The following LSAMP variants were observed in gnomAD, a reference collection of about 807,000 sequenced individuals.
LSAMP encodes limbic system associated membrane protein, also known as limbic system-associated membrane protein.
LSAMP carries 7 observed loss-of-function variants against 38.6 expected under a neutral mutation model. The ratio of observed to expected loss-of-function variants is 0.18; its 90% CI spans 0.10 to 0.34. The LOEUF (loss-of-function observed/expected upper bound fraction) is 0.34, where lower values mean the gene tolerates loss of function less well. Ranked by LOEUF, LSAMP falls within the 10% of genes least tolerant of loss-of-function variation. LSAMP has a pLI of 1.00. For missense variants in LSAMP, 313 were observed against 420.0 expected, an observed-to-expected ratio of 0.75 and a Z score of 2.23; for synonymous variants, 154 against 166.8, an observed-to-expected ratio of 0.92 and a Z score of 0.59.
intron 3 of LSAMP, among the ~76,000 whole-genome samples, chr3:115,938,921 C>G (rs185941164): frequency 2.3e-3 from 343 of 152,230 alleles, no homozygotes; most frequent in Non-Finnish European, 3.9e-3. Context: ...TCCCTAGCAC[C>G]AGAGAGCAGG....
chr3:116,346,643 A>G (rs575421149), intron 1 of LSAMP, among the ~76,000 whole-genome samples: 3 of 152,180 alleles, frequency 2.0e-5, no homozygotes, highest in African/African-American at 4.8e-5. Context: ...TTTTAGAAGT[A>G]AAACAGTTGC....
intron 3 of LSAMP, among the ~76,000 whole-genome samples, chr3:115,887,354 T>C (rs1936481722): frequency 6.6e-6 from 1 of 151,896 alleles, no homozygotes; most frequent in South Asian, 2.1e-4. Flanking sequence ...AATTTTTATC[T>C]TATAATATGA....
At chr3:116,107,601 T>C (rs1283617681) in intron 1 of LSAMP, among the ~76,000 whole-genome samples, 2 of 152,110 alleles carry the variant, frequency 1.3e-5, no homozygotes, top group Non-Finnish European at 2.9e-5. Flanking sequence ...CATGTGTGTT[T>C]TTAAGAGAAT....
chr3:116,025,828 T>A (rs1940777505), intron 2 of LSAMP, among the ~76,000 whole-genome samples: 1 of 152,208 alleles, frequency 6.6e-6, no homozygotes, highest in Admixed American at 6.5e-5. Context: ...AAAATATTTT[T>A]AAAATATATC....
At chr3:116,192,023 A>G (rs906427429) in intron 1 of LSAMP, among the ~76,000 whole-genome samples, 1 of 92,434 alleles carries the variant, frequency 1.1e-5, no homozygotes, top group Non-Finnish European at 2.3e-5. Flanking sequence ...TTACTGAGGG[A>G]AAAAAAAGAG....
At chr3:116,186,992 G>A (rs1710634272) in intron 1 of LSAMP, among the ~76,000 whole-genome samples, 1 of 152,086 alleles carries the variant, frequency 6.6e-6, no homozygotes, top group African/African-American at 2.4e-5. Flanking sequence ...TGATGTGTAT[G>A]TAGTAATGCT....
chr3:115,901,486 C>A (rs570180224), intron 3 of LSAMP, among the ~76,000 whole-genome samples: 17 of 152,088 alleles, frequency 1.1e-4, no homozygotes, highest in African/African-American at 4.1e-4. Flanking sequence ...GACACACTAG[C>A]ATTTCAAAAG....
intron 1 of LSAMP, among the ~76,000 whole-genome samples, chr3:116,132,172 T>G (rs1416832651): frequency 1.3e-5 from 2 of 151,900 alleles, no homozygotes; most frequent in African/African-American, 4.8e-5. Flanking sequence ...GAACAATTGC[T>G]GCTATACACT....
At chr3:115,895,163 C>A (rs1365223215) in intron 3 of LSAMP, among the ~76,000 whole-genome samples, 4 of 152,066 alleles carry the variant, frequency 2.6e-5, no homozygotes, top group Admixed American at 6.6e-5. Flanking sequence ...CTTTAACTAT[C>A]AGATTGTTCT....
chr3:115,850,044 T>C (rs1047979145), intron 4 of LSAMP, among the ~76,000 whole-genome samples: 2 of 152,244 alleles, frequency 1.3e-5, no homozygotes, highest in African/African-American at 4.8e-5. Flanking sequence ...AAACTCATTA[T>C]AGTTTTCCAT....
At chr3:116,173,835 C>G (rs55944121) in intron 1 of LSAMP, among the ~76,000 whole-genome samples, 7 of 147,092 alleles carry the variant, frequency 4.8e-5, no homozygotes, top group Non-Finnish European at 1.0e-4. Context: ...CTCTTGCCTT[C>G]TTCCTCTTCT....
At chr3:116,203,095 GC>G (rs2046010268) in intron 1 of LSAMP, among the ~76,000 whole-genome samples, 1 of 152,140 alleles carries the variant, frequency 6.6e-6, no homozygotes, top group South Asian at 2.1e-4. Flanking sequence ...TTTATTTCTT[GC>G]TTTCCAATCT....
chr3:116,246,134 C>T (rs1314936404), intron 1 of LSAMP, among the ~76,000 whole-genome samples: 6 of 152,184 alleles, frequency 3.9e-5, no homozygotes, highest in Admixed American at 3.9e-4. Flanking sequence ...AACCTTAATT[C>T]AAGTTTCCCA....
intron 3 of LSAMP, among the ~76,000 whole-genome samples, chr3:115,921,068 C>T (rs944208995): frequency 1.3e-5 from 2 of 152,038 alleles, no homozygotes; most frequent in Non-Finnish European, 2.9e-5. Flanking sequence ...TCCATCCTTT[C>T]ACTTTCAGCC....
chr3:116,146,340 G>A (rs9875743), intron 1 of LSAMP, among the ~76,000 whole-genome samples: 83,366 of 151,664 alleles, frequency 0.55, 23,606 homozygotes, highest in East Asian at 0.76. Context: ...TTTCTATTTC[G>A]TACCTTTGAT....
At chr3:116,149,381 C>G (rs1295675378) in intron 1 of LSAMP, among the ~76,000 whole-genome samples, 3 of 151,906 alleles carry the variant, frequency 2.0e-5, no homozygotes, top group Non-Finnish European at 4.4e-5. Flanking sequence ...AGCATTTGTT[C>G]CTGACCATTA....
chr3:116,282,359 A>C (rs1289937995), intron 1 of LSAMP, among the ~76,000 whole-genome samples: 1 of 152,246 alleles, frequency 6.6e-6, no homozygotes, highest in Admixed American at 6.5e-5. Flanking sequence ...TTTGAAAAAA[A>C]AAATCTGTTC....
chr3:116,082,408 A>C (rs1212328011), intron 2 of LSAMP, among the ~76,000 whole-genome samples: 4 of 152,198 alleles, frequency 2.6e-5, no homozygotes, highest in African/African-American at 9.7e-5. Flanking sequence ...TGCAGAGCAC[A>C]ATGATTCAGA....
intron 3 of LSAMP, among the ~76,000 whole-genome samples, chr3:115,999,123 C>T (rs1002837831): frequency 5.3e-5 from 8 of 152,070 alleles, no homozygotes; most frequent in Admixed American, 2.0e-4. Flanking sequence ...AAAGCGATGC[C>T]AGGATTGGCT....
Sources: gnomAD v4.1 joint callset for allele counts (sites outside exome capture counted in the v4.1 genomes callset) on GRCh38, gnomAD v4.1.1 for gene constraint, MANE v1.5 for transcripts, NCBI Gene and HGNC (gene_info 2026-07-23, HGNC 2026-07-21) for gene names.